Variants in AOAH observed in about 807,000 individuals in gnomAD.
AOAH encodes acyloxyacyl hydrolase (neutrophil).
In AOAH, 64 loss-of-function variants were observed where a neutral mutation model predicts 92.2. The observed-to-expected ratio is 0.69, with a 90% CI of 0.57 to 0.86. The LOEUF (loss-of-function observed/expected upper bound fraction) is 0.86. Among genes scored for constraint, AOAH ranks in the 40% least tolerant of loss-of-function variants. AOAH has a pLI of 0.00. For missense variants in AOAH, 656 were observed against 694.6 expected (o/e 0.94, Z 0.62); for synonymous variants, 263 against 254.5 (o/e 1.03, Z -0.32).
chr7:36,585,505 A>G (rs1017810115), intron 12 of AOAH, among the ~76,000 whole-genome samples: 1 of 152,206 alleles, frequency 6.6e-6, no homozygotes, highest in Non-Finnish European at 1.5e-5. Flanking sequence ...AGAAATCCTC[A>G]CACATATTCC....
chr7:36,601,600 T>C (rs1790607425), intron 11 of AOAH, among the ~76,000 whole-genome samples: 2 of 152,196 alleles, frequency 1.3e-5, no homozygotes, highest in East Asian at 3.8e-4. Flanking sequence ...ACCTATCTCA[T>C]TGGGTGGTTG....
At chr7:36,537,139 C>T (rs1785118276) in intron 16 of AOAH, among the ~76,000 whole-genome samples, 1 of 151,912 alleles carries the variant, frequency 6.6e-6, no homozygotes, top group African/African-American at 2.4e-5. Context: ...TAATTTATTT[C>T]CCATGGCAAC....
rs370030547 is a variant in AOAH, at chr7:36,631,303, C to T, written c.521+733G>A. On this transcript the variant is annotated intron_variant, in intron 6 of 20. Coordinates refer to ENST00000617537, the MANE Select transcript of AOAH (RefSeq NM_001637.4). ...CAGAGGTTGCAGTGAGCCATGATCACGCCATTGCACTCCAGCCTGGGCAAC... is the reference window on the plus strand; with the variant it reads ...CAGAGGTTGCAGTGAGCCATGATCATGCCATTGCACTCCAGCCTGGGCAAC... 4.6e-4 allele frequency among the ~76,000 whole-genome samples: 69 copies of T among 151,110 alleles called. 1 individual carries two copies. The East Asian group carries it at 6.9e-3, about 15-fold the overall frequency.
chr7:36,588,298 G>A (rs1024666252), intron 12 of AOAH, among the ~76,000 whole-genome samples: 1 of 152,172 alleles, frequency 6.6e-6, no homozygotes, highest in African/African-American at 2.4e-5. Context: ...ATAGTGGAAA[G>A]CCTTAGTATT....
At chr7:36,608,946 CA>C (rs1381746137) in intron 11 of AOAH, among the ~76,000 whole-genome samples, 2 of 151,368 alleles carry the variant, frequency 1.3e-5, no homozygotes, top group African/African-American at 4.9e-5. Flanking sequence ...CAAAAAGCAC[CA>C]GAAGTTTCCT....
intron 8 of AOAH, 150 bp from the exon 9 acceptor site, chr7:36,620,979 CCA>C (rs1392119078): frequency 1.4e-6 from 1 of 716,062 alleles, no homozygotes; most frequent in African/African-American, 1.8e-5. Flanking sequence ...GCATCACATC[CCA>C]TTGTGTGTTG....
At chr7:36,692,922 T>G (rs776685633) in intron 1 of AOAH, among the ~76,000 whole-genome samples, 8 of 152,142 alleles carry the variant, frequency 5.3e-5, no homozygotes, top group Non-Finnish European at 8.8e-5. Context: ...GAGCTGAGTC[T>G]TAAGGGATAG....
intron 1 of AOAH, among the ~76,000 whole-genome samples, chr7:36,715,830 T>C (rs1198032162): frequency 1.3e-5 from 2 of 151,874 alleles, no homozygotes; most frequent in Admixed American, 6.6e-5. Context: ...TAATTCAAGA[T>C]GGATTAAAGA....
At chr7:36,700,914 T>G (rs1184115264) in intron 1 of AOAH, among the ~76,000 whole-genome samples, 3 of 152,102 alleles carry the variant, frequency 2.0e-5, no homozygotes, top group Non-Finnish European at 4.4e-5. Context: ...TGGTTTTAAT[T>G]TGCATTTCTC....
chr7:36,584,742 G>A (rs1002155572), intron 12 of AOAH, among the ~76,000 whole-genome samples: 1 of 152,176 alleles, frequency 6.6e-6, no homozygotes, highest in African/African-American at 2.4e-5. Context: ...ACATCATGCA[G>A]TTGCTAATTC....
chr7:36,588,260 C>T (rs866971243), intron 12 of AOAH, among the ~76,000 whole-genome samples: 6 of 152,198 alleles, frequency 3.9e-5, no homozygotes, highest in South Asian at 2.1e-4. Flanking sequence ...CCCACCATTG[C>T]TTTTGTACCA....
intron 9 of AOAH, among the ~76,000 whole-genome samples, chr7:36,620,299 T>A (rs1792184680): frequency 6.6e-6 from 1 of 152,046 alleles, no homozygotes; most frequent in Non-Finnish European, 1.5e-5. Context: ...GAGCTGCAAA[T>A]CCATTATTCA....
chr7:36,588,217 C>T (rs73687555), intron 12 of AOAH, among the ~76,000 whole-genome samples: 6,390 of 152,296 alleles, frequency 0.042, 439 homozygotes, highest in African/African-American at 0.15. Flanking sequence ...TTGGTGCCAG[C>T]ACTTGATTCA....
intron 13 of AOAH, among the ~76,000 whole-genome samples, chr7:36,555,487 A>G (rs1313920118): frequency 6.6e-6 from 1 of 152,212 alleles, no homozygotes; most frequent in Non-Finnish European, 1.5e-5. Context: ...TAGCAGGATG[A>G]TGCTGGCCTC....
chr7:36,653,222 T>C (rs1349571313), intron 4 of AOAH, among the ~76,000 whole-genome samples: 1 of 152,158 alleles, frequency 6.6e-6, no homozygotes, highest in Non-Finnish European at 1.5e-5. Flanking sequence ...GTTCTTTGGA[T>C]TGTGCAGAAT....
At chr7:36,603,843 C>T (rs915248758) in intron 11 of AOAH, among the ~76,000 whole-genome samples, 6 of 152,232 alleles carry the variant, frequency 3.9e-5, no homozygotes, top group Non-Finnish European at 7.3e-5. Flanking sequence ...CTATAAAATA[C>T]ATATAATAGC....
chr7:36,690,908 T>C (rs573841708), intron 1 of AOAH, among the ~76,000 whole-genome samples: 1 of 152,314 alleles, frequency 6.6e-6, no homozygotes, highest in South Asian at 2.1e-4. Context: ...ATCCTTTTGA[T>C]GTGAAACAGG....
At chr7:36,706,159 A>G (rs1246781638) in intron 1 of AOAH, among the ~76,000 whole-genome samples, 5 of 152,218 alleles carry the variant, frequency 3.3e-5, no homozygotes, top group Admixed American at 2.6e-4. Context: ...TTGGGAGCTA[A>G]TTAAATAATG....
intron 11 of AOAH, among the ~76,000 whole-genome samples, chr7:36,612,145 C>T (rs1376083924): frequency 1.3e-5 from 2 of 151,536 alleles, no homozygotes; most frequent in Admixed American, 1.3e-4. Flanking sequence ...TTGGTACACA[C>T]ATAATACAAA....
Sources: gnomAD v4.1 joint callset for allele counts (sites outside exome capture counted in the v4.1 genomes callset) on GRCh38, gnomAD v4.1.1 for gene constraint, MANE v1.5 for transcripts, NCBI Gene and HGNC (gene_info 2026-07-23, HGNC 2026-07-21) for gene names.